Variants in CNTNAP5 observed in about 807,000 individuals in gnomAD.
CNTNAP5 encodes the protein contactin-associated protein-like 5.
Under a neutral mutation model 150.2 loss-of-function variants are expected in CNTNAP5, and 72 were observed. The ratio of observed to expected loss-of-function variants is 0.48; its 90% CI spans 0.40 to 0.58. The LOEUF (loss-of-function observed/expected upper bound fraction) is 0.58. Ranked by LOEUF, CNTNAP5 falls within the 20% of genes least tolerant of loss-of-function variation. The pLI, the probability that CNTNAP5 is intolerant of heterozygous loss-of-function variation, is 0.00. For missense variants in CNTNAP5, 1,636 were observed against 1,626.2 expected (o/e 1.01, Z -0.10); for synonymous variants, 672 against 619.8 (o/e 1.08, Z -1.25).
In CNTNAP5 at chr2:124,777,775, A is replaced by ATGTGTGTG. The variant is rs35863925; in HGVS notation, c.2752+4800_2752+4807dup. On this transcript the variant is annotated intron_variant, in intron 17 of 23. Coordinates refer to ENST00000682447, the MANE Select transcript of CNTNAP5 (RefSeq NM_001367498.1). ...TGGACAATTGAAGCAGAATGGAGGG[A>ATGTGTGTG]TGTGTGTGTGTGTGTGTGTGTGTGT... Among the ~76,000 whole-genome samples, 717 of 130,682 alleles carry ATGTGTGTG rather than the reference A, an allele frequency of 5.5e-3. 7 individuals are homozygous for ATGTGTGTG. Among genetic ancestry groups the ATGTGTGTG allele is most frequent in the South Asian group, 9.2e-3 (34 of 3,686 alleles). The allele number at this position is 130,682 out of a possible 152,430, so 85.7% of individuals were successfully genotyped here.
chr2:124,811,843 G>A (rs1470638634), intron 19 of CNTNAP5, among the ~76,000 whole-genome samples: 2 of 147,822 alleles, frequency 1.4e-5, no homozygotes, highest in Non-Finnish European at 3.0e-5. Flanking sequence ...TCAGGAGGCT[G>A]AGGCAGGAGA....
At position 124,559,605 on chromosome 2, in the gene CNTNAP5, G is replaced by C. The variant is rs1440829758; in HGVS notation, c.1650-3612G>C. Among the ~76,000 whole-genome samples the C allele has an allele frequency of 2.6e-5, 4 of 152,174 alleles. No homozygotes were observed. In the East Asian group the frequency reaches 7.7e-4, roughly 29 times the overall value. ...TGGATTAAGAGCCTTACACCTAAAA[G>C]AGTGAGTGCCCTCACGCTTAATTCA... On this transcript the variant is annotated intron_variant, in intron 10 of 23. Transcript: ENST00000682447.
Position 124,172,834 on chromosome 2 carries a change from G to C in CNTNAP5, c.83-48871G>C, listed in dbSNP as rs148629125. 2.5e-4 allele frequency among the ~76,000 whole-genome samples: 38 copies of C among 151,808 alleles called. No homozygotes were observed. The East Asian group carries it at 7.4e-3, about 30-fold the overall frequency. ...GTATGTGTGTGTGCATAAATTGTTTGCACAGTAATATATACAGGGCACCTC... is the reference window on the plus strand; with the variant it reads ...GTATGTGTGTGTGCATAAATTGTTTCCACAGTAATATATACAGGGCACCTC... On this transcript the variant is annotated intron_variant, in intron 1 of 23. Transcript: ENST00000682447.
At chr2:124,481,982 C>T (rs1278392463) in intron 7 of CNTNAP5, among the ~76,000 whole-genome samples, 4 of 152,306 alleles carry the variant, frequency 2.6e-5, no homozygotes, top group African/African-American at 7.2e-5. Flanking sequence ...CAGGAGACGG[C>T]TTATCCTGCT....
At chr2:124,837,376 G>A (rs1003918330) in intron 19 of CNTNAP5, among the ~76,000 whole-genome samples, 5 of 152,060 alleles carry the variant, frequency 3.3e-5, no homozygotes. Flanking sequence ...TGAGGTAGGA[G>A]GGAAGGTTCA....
At chr2:124,852,212 C>T (rs1683172697) in intron 19 of CNTNAP5, among the ~76,000 whole-genome samples, 1 of 152,106 alleles carries the variant, frequency 6.6e-6, no homozygotes, top group African/African-American at 2.4e-5. Context: ...ATATTGAGTC[C>T]ATGATGCACT....
At chr2:124,723,821 G>A (rs1420257632) in intron 13 of CNTNAP5, among the ~76,000 whole-genome samples, 4 of 152,066 alleles carry the variant, frequency 2.6e-5, no homozygotes, top group Non-Finnish European at 5.9e-5. Flanking sequence ...CGCCCAAACA[G>A]CGTCATTTTA....
chr2:124,402,101 CA>C (rs1276244679), intron 3 of CNTNAP5, among the ~76,000 whole-genome samples: 2 of 152,154 alleles, frequency 1.3e-5, no homozygotes, highest in African/African-American at 4.8e-5. Context: ...ATAACTTTCA[CA>C]GGGGTAAAAG....
chr2:124,603,688 T>G (rs1697034572), intron 11 of CNTNAP5, among the ~76,000 whole-genome samples: 1 of 152,198 alleles, frequency 6.6e-6, no homozygotes, highest in Non-Finnish European at 1.5e-5. Flanking sequence ...ATTCAGGACA[T>G]GACTTCATTC....
intron 10 of CNTNAP5, among the ~76,000 whole-genome samples, chr2:124,528,473 G>T (rs1440383943): frequency 1.3e-5 from 2 of 152,134 alleles, no homozygotes; most frequent in East Asian, 3.9e-4. Flanking sequence ...AGAAAGCATG[G>T]ATTGCAAGTA....
chr2:124,798,299 G>C lies in CNTNAP5; in HGVS notation c.3196G>C (p.Val1066Leu). Residue 1066 changes from valine (V) to leucine (L), a missense_variant, in exon 19 of 24, where the codon GTT (valine) becomes CTT (leucine). Transcript: ENST00000682447. ...FINSSSQDFV[V>L]VLLCKNGSLQ... ...CAATTCTTCTTCTCAGGACTTCGTG[G>C]TTGTTCTGCTCTGCAAGAATGGTGA... 1 of 1,613,384 alleles carries C rather than the reference G, an allele frequency of 6.2e-7. No homozygotes were observed. The highest frequency in any genetic ancestry group is 8.5e-7 in the Non-Finnish European group (1 of 1,179,352).
intron 5 of CNTNAP5, among the ~76,000 whole-genome samples, chr2:124,440,378 G>A (rs1015650231): frequency 6.6e-6 from 1 of 152,018 alleles, no homozygotes; most frequent in African/African-American, 2.4e-5. Context: ...TTAAACATGA[G>A]AGTTCCCATC....
intron 1 of CNTNAP5, among the ~76,000 whole-genome samples, chr2:124,066,532 CTAT>C (rs977597428): frequency 1.3e-5 from 2 of 152,038 alleles, no homozygotes; most frequent in Non-Finnish European, 2.9e-5. Context: ...GAGAAGATAT[CTAT>C]TATTGTGCTT....
chr2:124,699,587 A>G (rs1679476353), intron 13 of CNTNAP5, among the ~76,000 whole-genome samples: 1 of 151,858 alleles, frequency 6.6e-6, no homozygotes, highest in African/African-American at 2.4e-5. Context: ...CCACCCACCA[A>G]CCTCTCCCTT....
chr2:124,207,845 A>G (rs757756212), intron 1 of CNTNAP5, among the ~76,000 whole-genome samples: 36 of 152,226 alleles, frequency 2.4e-4, no homozygotes, highest in Non-Finnish European at 4.6e-4. Flanking sequence ...TGACCGTGAC[A>G]GATTTGCAAA....
At chr2:124,610,739 C>T (rs1217798956) in intron 12 of CNTNAP5, among the ~76,000 whole-genome samples, 1 of 151,986 alleles carries the variant, frequency 6.6e-6, no homozygotes, top group Non-Finnish European at 1.5e-5. Flanking sequence ...GGCAGGCAGA[C>T]CACGAGGTCA....
intron 14 of CNTNAP5, among the ~76,000 whole-genome samples, chr2:124,747,614 CTTTTTTTTTT>C (rs11351693): frequency 5.6e-5 from 3 of 53,234 alleles, no homozygotes; most frequent in Non-Finnish European, 9.4e-5. Flanking sequence ...GCTGCTTCTT[CTTTTTTTTTT>C]TTTTTTTTTT....
chr2:124,552,468 A>G (rs913847572), intron 10 of CNTNAP5, among the ~76,000 whole-genome samples: 6 of 152,122 alleles, frequency 3.9e-5, no homozygotes, highest in Non-Finnish European at 8.8e-5. Flanking sequence ...ATATCTGAAC[A>G]TCTTCTTTTG....
At chr2:124,707,170 A>AGAG (rs1679702806) in intron 13 of CNTNAP5, among the ~76,000 whole-genome samples, 1 of 146,802 alleles carries the variant, frequency 6.8e-6, no homozygotes, top group African/African-American at 2.5e-5. Context: ...AAGAAGAAGA[A>AGAG]GAAGAAGAAG....
Sources: gnomAD v4.1 joint callset for allele counts (sites outside exome capture counted in the v4.1 genomes callset) on GRCh38, gnomAD v4.1.1 for gene constraint, MANE v1.5 for transcripts, NCBI Gene and HGNC (gene_info 2026-07-23, HGNC 2026-07-21) for gene names.